The following SNX29 variants were observed in gnomAD, a reference collection of about 807,000 sequenced individuals.
The protein encoded by SNX29 is sorting nexin 29.
SNX29 carries 78 observed loss-of-function variants against 102.1 expected under a neutral mutation model. That is an observed-to-expected ratio of 0.76 (90% CI 0.64 to 0.92). The LOEUF is 0.92. SNX29 is among the 40% of genes least tolerant of loss of function. The probability of loss-of-function intolerance (pLI) is 0.00; values close to 1 mark genes in which losing one functional copy is unlikely to be tolerated. For synonymous variants in SNX29, 580 were observed against 414.5 expected (o/e 1.40, Z -4.85); for missense variants, 1,280 against 1,061.7 (o/e 1.21, Z -2.86).
intron 19 of SNX29, among the ~76,000 whole-genome samples, chr16:12,479,450 G>C (rs2087805513): frequency 6.6e-6 from 1 of 152,078 alleles, no homozygotes; most frequent in Non-Finnish European, 1.5e-5. Context: ...ATTGAAACCT[G>C]ATCACGCCAA....
At chr16:12,556,921 C>G (rs542970455) in intron 20 of SNX29, among the ~76,000 whole-genome samples, 1 of 128,606 alleles carries the variant, frequency 7.8e-6, no homozygotes, top group African/African-American at 3.1e-5. Context: ...GGCATGATCT[C>G]GGCTCACTAC....
intron 2 of SNX29, among the ~76,000 whole-genome samples, chr16:12,001,224 G>C (rs1433535338): frequency 6.6e-6 from 1 of 152,024 alleles, no homozygotes; most frequent in Admixed American, 6.6e-5. Flanking sequence ...TGATTCTGCT[G>C]CCTCAGCCTC....
At chr16:12,252,086 A>G (rs2078438395) in intron 14 of SNX29, among the ~76,000 whole-genome samples, 1 of 152,156 alleles carries the variant, frequency 6.6e-6, no homozygotes, top group Non-Finnish European at 1.5e-5. Context: ...TTGCAAGAAA[A>G]TCACAGTATT....
chr16:12,117,557 G>A (rs975162697), intron 11 of SNX29, among the ~76,000 whole-genome samples: 1 of 152,236 alleles, frequency 6.6e-6, no homozygotes, highest in East Asian at 1.9e-4. Flanking sequence ...TTTCTGTGAA[G>A]CATTGGAGTA....
intron 12 of SNX29, 65 bp downstream of exon 12, chr16:12,126,761 G>A (rs761548143): frequency 7.3e-5 from 115 of 1,567,074 alleles, no homozygotes; most frequent in Non-Finnish European, 9.4e-5. Flanking sequence ...GGGGAAGACA[G>A]AATATAACAG....
At chr16:12,010,849 A>T (rs1180228949) in intron 3 of SNX29, among the ~76,000 whole-genome samples, 1 of 151,950 alleles carries the variant, frequency 6.6e-6, no homozygotes, top group Non-Finnish European at 1.5e-5. Flanking sequence ...TCCTGATGTT[A>T]TTCTTAATGC....
intron 15 of SNX29, among the ~76,000 whole-genome samples, chr16:12,332,453 C>T (rs893338586): frequency 2.0e-5 from 3 of 152,204 alleles, no homozygotes; most frequent in East Asian, 3.9e-4. Flanking sequence ...TTATTGGTGG[C>T]GTTTTAAAAA....
intron 16 of SNX29, among the ~76,000 whole-genome samples, chr16:12,397,867 C>T (rs2083776039): frequency 6.6e-6 from 1 of 152,146 alleles, no homozygotes; most frequent in Non-Finnish European, 1.5e-5. Context: ...GGGTCAGGAC[C>T]CCTAAGCAGT....
chr16:12,445,976 C>G (rs1056314250), intron 18 of SNX29, among the ~76,000 whole-genome samples: 1 of 152,108 alleles, frequency 6.6e-6, no homozygotes, highest in Non-Finnish European at 1.5e-5. Context: ...GCTCCCGAGT[C>G]CACGCTTTCG....
rs1053044566 is a variant in SNX29 at position 12,571,586 on chromosome 16, G to C, written c.*2957G>C. The C allele has an allele frequency of 9.5e-7, 1 of 1,054,692 alleles. No individual in the cohort carries two copies. The highest frequency in any genetic ancestry group is 1.1e-6 in the Non-Finnish European group (1 of 870,638). 65.3% of individuals were successfully genotyped at this position (1,054,692 alleles called of 1,614,324 possible). On this transcript the variant is annotated 3_prime_UTR_variant, in exon 21 of 21. Coordinates refer to ENST00000566228, the MANE Select transcript of SNX29 (RefSeq NM_032167.5). ...AATCCTTCTGTCTTCATGGCCTGCT[G>C]TGCTGAAACAGAACAGCAGGTTCCA... is the stretch of plus-strand genomic sequence containing the variant.
intron 12 of SNX29, among the ~76,000 whole-genome samples, chr16:12,127,788 ACTTAT>A (rs2054282593): frequency 6.6e-6 from 1 of 152,170 alleles, no homozygotes; most frequent in Admixed American, 6.5e-5. Context: ...GCATCTGAGC[ACTTAT>A]CTTAAAGTTT....
intron 11 of SNX29, among the ~76,000 whole-genome samples, chr16:12,121,207 C>T (rs2053958283): frequency 6.6e-6 from 1 of 152,178 alleles, no homozygotes; most frequent in African/African-American, 2.4e-5. Flanking sequence ...CAGATGGGCA[C>T]CTCTAGCCCA....
chr16:12,382,678 G>C (rs1403236320), intron 16 of SNX29, among the ~76,000 whole-genome samples: 1 of 152,206 alleles, frequency 6.6e-6, no homozygotes, highest in Non-Finnish European at 1.5e-5. Context: ...CTGGAGGCCA[G>C]AGTCGGCAAT....
chr16:12,537,621 T>G (rs1465584937), intron 20 of SNX29, among the ~76,000 whole-genome samples: 2 of 152,180 alleles, frequency 1.3e-5, no homozygotes, highest in Admixed American at 1.3e-4. Flanking sequence ...CCAAAATGAT[T>G]GAGTTGGCAG....
chr16:12,191,691 A>G (rs1254991731), intron 13 of SNX29, among the ~76,000 whole-genome samples: 1 of 152,222 alleles, frequency 6.6e-6, no homozygotes, highest in East Asian at 1.9e-4. Context: ...CTTAACAGGA[A>G]TATGTACAGT....
chr16:12,257,925 C>T (rs1321888105), intron 14 of SNX29, among the ~76,000 whole-genome samples: 3 of 152,180 alleles, frequency 2.0e-5, no homozygotes, highest in Non-Finnish European at 2.9e-5. Context: ...CAATCTATAG[C>T]CAGTCCTGCC....
At position 12,043,074 on chromosome 16, in the gene SNX29, T is replaced by C. The variant is rs1253776787; in HGVS notation, c.425T>C (p.Leu142Pro). The C allele has an allele frequency of 2.5e-6, 4 of 1,613,124 alleles. No homozygotes were observed. In the Admixed American group the frequency reaches 6.7e-5, roughly 27 times the overall value. Residue 142 changes from leucine to proline, a missense_variant, in exon 5 of 21, where the codon CTG (leucine) becomes CCG (proline). By Grantham distance (98) the Leu-to-Pro change is moderately conservative. Coordinates refer to ENST00000566228, the MANE Select transcript of SNX29 (RefSeq NM_032167.5). ...LHMLLADRCR[L>P]STFYEDWSFV... Reference sequence around the variant, plus strand: ...ATGCTCCTGGCCGACCGCTGCAGGCTGAGGTACGTGGCCGGGATGCGAACT... The same window carrying C: ...ATGCTCCTGGCCGACCGCTGCAGGCCGAGGTACGTGGCCGGGATGCGAACT...
chr16:12,289,842 T>C (rs1484477515), intron 15 of SNX29, among the ~76,000 whole-genome samples: 1 of 152,072 alleles, frequency 6.6e-6, no homozygotes, highest in African/African-American at 2.4e-5. Flanking sequence ...TCGTGTGGCC[T>C]TGATGGACGC....
At chr16:12,509,205 T>TG (rs963911465) in intron 19 of SNX29, among the ~76,000 whole-genome samples, 31 of 152,302 alleles carry the variant, frequency 2.0e-4, no homozygotes, top group African/African-American at 6.5e-4. Context: ...ATCCAGACCC[T>TG]GGGTGACCGT....
Sources: gnomAD v4.1 joint callset for allele counts (sites outside exome capture counted in the v4.1 genomes callset) on GRCh38, gnomAD v4.1.1 for gene constraint, MANE v1.5 for transcripts, NCBI Gene and HGNC (gene_info 2026-07-23, HGNC 2026-07-21) for gene names.